Variants in CTNNA3 observed in about 807,000 individuals in gnomAD.
The protein encoded by CTNNA3 is catenin alpha 3, also known as catenin alpha-3.
In CTNNA3, 76 loss-of-function variants were observed where a neutral mutation model predicts 95.7. The ratio of observed to expected loss-of-function variants is 0.79; its 90% CI spans 0.66 to 0.96. CTNNA3 has a LOEUF of 0.96. Among genes scored for constraint, CTNNA3 ranks in the 40% least tolerant of loss-of-function variants. The probability of loss-of-function intolerance (pLI) is 0.00; values close to 1 mark genes in which losing one functional copy is unlikely to be tolerated. For synonymous variants in CTNNA3, 431 were observed against 374.4 expected (o/e 1.15, Z -1.74); for missense variants, 1,191 against 1,089.8 (o/e 1.09, Z -1.31).
intron 6 of CTNNA3, among the ~76,000 whole-genome samples, chr10:67,207,788 T>C (rs1863967074): frequency 6.6e-6 from 1 of 152,152 alleles, no homozygotes; most frequent in Non-Finnish European, 1.5e-5. Context: ...AATAATACTG[T>C]ATAATCTAGA....
At chr10:67,036,945 T>C (rs1256476109) in intron 7 of CTNNA3, among the ~76,000 whole-genome samples, 2 of 152,090 alleles carry the variant, frequency 1.3e-5, no homozygotes, top group Non-Finnish European at 2.9e-5. Context: ...TAGGAGGAAA[T>C]GATACTTGGT....
At chr10:67,311,785 T>A (rs916763520) in intron 5 of CTNNA3, among the ~76,000 whole-genome samples, 2 of 152,164 alleles carry the variant, frequency 1.3e-5, no homozygotes, top group African/African-American at 2.4e-5. Flanking sequence ...CCCATAATCT[T>A]TAGGAACAAT....
chr10:67,097,853 TGAG>T, intron 7 of CTNNA3: 1 of 1,486,378 alleles, frequency 6.7e-7, no homozygotes, highest in Non-Finnish European at 9.4e-7. Flanking sequence ...AAGGACAAAA[TGAG>T]GAAGATGTGT....
intron 12 of CTNNA3, among the ~76,000 whole-genome samples, chr10:66,355,804 CTA>C (rs2092604445): frequency 6.6e-6 from 1 of 151,664 alleles, no homozygotes; most frequent in Non-Finnish European, 1.5e-5. Flanking sequence ...AAAATTTATC[CTA>C]TGTTTTCTTT....
At position 66,324,165 on chromosome 10, in the gene CTNNA3, C is replaced by G. The variant is rs149255325; in HGVS notation, c.1733-43544G>C. ...TGAAGCCTCATCTCTACTAAAAATA[C>G]AAAAATTAGCCAGGTGTGGTGGCGC... On this transcript the variant is annotated intron_variant, in intron 12 of 17. Transcript: ENST00000433211. Among the ~76,000 whole-genome samples, 970 of 151,860 alleles carry G rather than the reference C, an allele frequency of 6.4e-3. 12 individuals carry two copies. The highest frequency in any genetic ancestry group is 0.021 in the African/African-American group (863 of 41,422).
intron 13 of CTNNA3, among the ~76,000 whole-genome samples, chr10:66,247,461 A>T (rs12762210): frequency 0.078 from 11,845 of 152,220 alleles, 600 homozygotes; most frequent in Admixed American, 0.13. Context: ...GAACTTCCAA[A>T]ATCTACGATA....
At chr10:67,749,989 G>A (rs891384684) in intron 1 of CTNNA3, among the ~76,000 whole-genome samples, 7 of 152,134 alleles carry the variant, frequency 4.6e-5, no homozygotes, top group African/African-American at 9.7e-5. Context: ...ATTTGCTGCT[G>A]CTCACTCTTT....
chr10:66,396,238 G>A (rs1386457531), intron 11 of CTNNA3, among the ~76,000 whole-genome samples: 2 of 151,880 alleles, frequency 1.3e-5, no homozygotes, highest in Non-Finnish European at 2.9e-5. Flanking sequence ...AACTCTGAAA[G>A]CATATGCAGG....
intron 7 of CTNNA3, among the ~76,000 whole-genome samples, chr10:66,779,846 T>C (rs1472947706): frequency 2.6e-5 from 4 of 152,198 alleles, no homozygotes; most frequent in Admixed American, 2.6e-4. Flanking sequence ...ATCTACTATA[T>C]GCGGGACACC....
intron 1 of CTNNA3, among the ~76,000 whole-genome samples, chr10:67,691,424 CG>C (rs1840850206): frequency 6.6e-6 from 1 of 151,668 alleles, no homozygotes; most frequent in African/African-American, 2.4e-5. Flanking sequence ...TCTGCCTGGC[CG>C]CCATCCCATC....
intron 9 of CTNNA3, among the ~76,000 whole-genome samples, chr10:66,711,827 C>G (rs539399455): frequency 3.3e-5 from 5 of 152,220 alleles, no homozygotes; most frequent in African/African-American, 1.2e-4. Flanking sequence ...GTCTCGGCCT[C>G]TCAAAGTGCT....
At chr10:67,019,667 G>C (rs2133068369) in intron 7 of CTNNA3, among the ~76,000 whole-genome samples, 1 of 152,316 alleles carries the variant, frequency 6.6e-6, no homozygotes, top group East Asian at 1.9e-4. Flanking sequence ...GGGGCTCAAA[G>C]TCAGGACTCC....
intron 17 of CTNNA3, among the ~76,000 whole-genome samples, chr10:65,938,890 CT>C (rs35971028): frequency 1.0e-3 from 151 of 145,254 alleles, no homozygotes; most frequent in Middle Eastern, 3.7e-3. Flanking sequence ...AAGAGTTTTC[CT>C]TTTTTTTTTT....
chr10:66,009,816 C>A (rs1244105566), intron 15 of CTNNA3, among the ~76,000 whole-genome samples: 1 of 152,184 alleles, frequency 6.6e-6, no homozygotes, highest in East Asian at 1.9e-4. Context: ...GACTCATGCT[C>A]GGTTTTCCCA....
intron 7 of CTNNA3, among the ~76,000 whole-genome samples, chr10:67,156,451 C>T (rs569723705): frequency 3.7e-4 from 57 of 152,124 alleles, no homozygotes; most frequent in Non-Finnish European, 7.5e-4. Flanking sequence ...GGTTTTGCTG[C>T]ATTCCATGAG....
intron 10 of CTNNA3, among the ~76,000 whole-genome samples, chr10:66,597,953 G>A (rs563783584): frequency 3.9e-4 from 59 of 151,958 alleles, no homozygotes; most frequent in African/African-American, 1.3e-3. Flanking sequence ...CTATTACACC[G>A]CTATTAGACA....
At chr10:67,703,465 T>C (rs1293967116) in intron 1 of CTNNA3, among the ~76,000 whole-genome samples, 1 of 152,004 alleles carries the variant, frequency 6.6e-6, no homozygotes, top group African/African-American at 2.4e-5. Flanking sequence ...GCAAGGCTGG[T>C]TCAATATACG....
At chr10:66,454,628 G>A (rs61661679) in intron 11 of CTNNA3, among the ~76,000 whole-genome samples, 17,828 of 138,910 alleles carry the variant, frequency 0.13, 1,510 homozygotes, top group African/African-American at 0.27. Context: ...TGGTGATGAT[G>A]TCAATTGTTA....
In CTNNA3 at chr10:67,563,963, G is replaced by C. The variant is rs550301709; in HGVS notation, c.293-24294C>G. 8.7e-5 allele frequency among the ~76,000 whole-genome samples: 13 copies of C among 149,150 alleles called. 1 individual carries two copies. The South Asian group carries it at 2.9e-3, about 33-fold the overall frequency. The stretch of plus-strand genomic sequence containing the variant: ...ATGAGATACCATCTCACACCAGTTA[G>C]AATGGCGATCATTAAAAAGTCAGGA... On this transcript the variant is annotated intron_variant, in intron 3 of 17. Transcript: ENST00000433211.
Sources: allele counts gnomAD v4.1 joint callset (sites outside exome capture counted in the v4.1 genomes callset), GRCh38; gene constraint gnomAD v4.1.1; transcripts MANE v1.5; gene names NCBI Gene and HGNC (gene_info 2026-07-23, HGNC 2026-07-21).